The following ZFYVE28 variants were observed in gnomAD, a reference collection of about 807,000 sequenced individuals.
The protein encoded by ZFYVE28 is lateral signaling target protein 2 homolog.
ZFYVE28 carries 40 observed loss-of-function variants against 82.1 expected under a neutral mutation model. The observed-to-expected ratio is 0.49, with a 90% CI of 0.38 to 0.63. The LOEUF is 0.63. Among genes scored for constraint, ZFYVE28 ranks in the 30% least tolerant of loss-of-function variants. The probability of loss-of-function intolerance (pLI) is 0.00; values close to 1 mark genes in which losing one functional copy is unlikely to be tolerated. For synonymous variants in ZFYVE28, 612 were observed against 546.1 expected (o/e 1.12, Z -1.68); for missense variants, 1,321 against 1,242.1 (o/e 1.06, Z -0.96).
rs144291620 is a variant in ZFYVE28 at position 2,298,627 on chromosome 4, G to T, written c.2051+5662C>A. ...CTCCTACCATTCTACCTAGAGCAAC[G>T]GCCAGAGAGGATGCTGAGCACGGTG... is the stretch of plus-strand genomic sequence containing the variant. On this transcript the variant is annotated intron_variant, in intron 8 of 12. Coordinates refer to ENST00000290974, the MANE Select transcript of ZFYVE28 (RefSeq NM_020972.3). Among the ~76,000 whole-genome samples the T allele has an allele frequency of 1.4e-3, 220 of 152,314 alleles. 1 individual carries two copies. The highest frequency in any genetic ancestry group is 6.8e-3 in the Middle Eastern group (2 of 294).
At chr4:2,283,242 A>G (rs1463695596) in intron 8 of ZFYVE28, among the ~76,000 whole-genome samples, 2 of 149,936 alleles carry the variant, frequency 1.3e-5, no homozygotes, top group African/African-American at 2.5e-5. Flanking sequence ...TCATCCATCC[A>G]TCTATCCACC....
At chr4:2,308,678 AG>A (rs1560182436) in intron 7 of ZFYVE28, among the ~76,000 whole-genome samples, 126 of 41,680 alleles carry the variant, frequency 3.0e-3, no homozygotes, top group African/African-American at 8.9e-3. Context: ...AGAAAGAAAG[AG>A]AAAGAAAGAA....
At chr4:2,321,815 T>C (rs1719119191) in intron 6 of ZFYVE28, among the ~76,000 whole-genome samples, 1 of 152,054 alleles carries the variant, frequency 6.6e-6, no homozygotes, top group Non-Finnish European at 1.5e-5. Flanking sequence ...TCTGCCCCTC[T>C]GGAAACCTCG....
intron 1 of ZFYVE28, among the ~76,000 whole-genome samples, chr4:2,413,877 C>T (rs1276150097): frequency 6.6e-6 from 1 of 152,228 alleles, no homozygotes; most frequent in Non-Finnish European, 1.5e-5. Context: ...CCCCAGTGTC[C>T]ACCAAGACCC....
intron 1 of ZFYVE28, among the ~76,000 whole-genome samples, chr4:2,383,250 C>A (rs944614698): frequency 1.4e-4 from 22 of 152,022 alleles, no homozygotes; most frequent in Non-Finnish European, 2.6e-4. Flanking sequence ...GTGGGAGGGA[C>A]CTGGTGGGAG....
chr4:2,311,442 T>C (rs1717456871), intron 7 of ZFYVE28, among the ~76,000 whole-genome samples: 1 of 152,050 alleles, frequency 6.6e-6, no homozygotes. Context: ...AGAAGAATTG[T>C]TTAAACCTGG....
Position 2,305,496 on chromosome 4 carries a change from G to C in ZFYVE28, c.844C>G (p.Leu282Val). 1.2e-6 allele frequency: 2 copies of C among 1,612,996 alleles called. No individual in the cohort carries two copies. The highest frequency in any genetic ancestry group is 1.1e-5 in the South Asian group (1 of 91,090). Reference protein sequence around the residue: ...QTLTEEELHTLERNLCISQDV... With the variant: ...QTLTEEELHTVERNLCISQDV... The stretch of plus-strand genomic sequence containing the variant: ...TGGGAAATGCAGAGGTTCCGTTCCA[G>C]CGTGTGCAGCTCCTCCTCCGTCAGC... Residue 282 changes from leucine (L) to valine (V), a missense_variant, in exon 8 of 13, where the codon CTG (leucine) becomes GTG (valine). This residue lies in a region of ZFYVE28 where 343 missense variants were observed against 408.4 expected (regional missense o/e 0.84). Transcript: ENST00000290974.
At chr4:2,395,155 G>A (rs1029579063) in intron 1 of ZFYVE28, among the ~76,000 whole-genome samples, 17 of 151,936 alleles carry the variant, frequency 1.1e-4, no homozygotes, top group East Asian at 1.9e-4. Context: ...CCCCATCACT[G>A]CCACGCCAGT....
intron 1 of ZFYVE28, among the ~76,000 whole-genome samples, chr4:2,365,205 C>T (rs1407275880): frequency 2.0e-5 from 3 of 151,666 alleles, no homozygotes; most frequent in Non-Finnish European, 2.9e-5. Context: ...GTCTCCACAT[C>T]TCCCCGGGTG....
intron 8 of ZFYVE28, among the ~76,000 whole-genome samples, chr4:2,278,934 C>G (rs1711541736): frequency 6.7e-6 from 1 of 150,188 alleles, no homozygotes; most frequent in Admixed American, 6.6e-5. Flanking sequence ...AATGTTCCCC[C>G]CCCCCTCAAA....
At chr4:2,375,930 A>G (rs1207001857) in intron 1 of ZFYVE28, among the ~76,000 whole-genome samples, 3 of 151,636 alleles carry the variant, frequency 2.0e-5, no homozygotes, top group South Asian at 2.1e-4. Flanking sequence ...CTGGAGTGCA[A>G]TGGCACAATC....
chr4:2,356,276 T>G (rs1725298423), intron 1 of ZFYVE28, among the ~76,000 whole-genome samples: 1 of 152,182 alleles, frequency 6.6e-6, no homozygotes, highest in Non-Finnish European at 1.5e-5. Context: ...TCCCTGGGAC[T>G]GTTCACAGGA....
intron 1 of ZFYVE28, among the ~76,000 whole-genome samples, chr4:2,389,356 T>C (rs1371353778): frequency 6.6e-6 from 1 of 152,158 alleles, no homozygotes; most frequent in South Asian, 2.1e-4. Flanking sequence ...TGCCTGAGGC[T>C]ACCCCCATGC....
intron 1 of ZFYVE28, among the ~76,000 whole-genome samples, chr4:2,413,576 CATCCGGAACACTGGCTT>C (rs1732742670): frequency 6.6e-6 from 1 of 152,194 alleles, no homozygotes; most frequent in Non-Finnish European, 1.5e-5. Flanking sequence ...GCCTGTGCAG[CATCCGGAACACTGGCTT>C]TCCAGCAGCT....
intron 8 of ZFYVE28, among the ~76,000 whole-genome samples, chr4:2,303,397 C>G (rs1344981963): frequency 1.3e-5 from 2 of 152,324 alleles, no homozygotes; most frequent in South Asian, 4.1e-4. Flanking sequence ...TCATCCCCAT[C>G]TGCTGCCCGG....
chr4:2,376,655 G>C (rs1008210048), intron 1 of ZFYVE28, among the ~76,000 whole-genome samples: 11 of 152,244 alleles, frequency 7.2e-5, no homozygotes, highest in African/African-American at 2.6e-4. Flanking sequence ...GTCATGAGAC[G>C]AGCATGGGGG....
At chr4:2,346,668 A>C (rs758525110) in intron 2 of ZFYVE28, among the ~76,000 whole-genome samples, 4 of 152,182 alleles carry the variant, frequency 2.6e-5, no homozygotes, top group Non-Finnish European at 5.9e-5. Flanking sequence ...GAAATTGTAC[A>C]ATGTCATTTG....
chr4:2,284,883 G>A (rs1367163283), intron 8 of ZFYVE28, among the ~76,000 whole-genome samples: 2 of 152,218 alleles, frequency 1.3e-5, no homozygotes, highest in African/African-American at 4.8e-5. Flanking sequence ...CCTGAGTCTA[G>A]TACGGCAAGG....
chr4:2,272,650 A>G (rs569389692), intron 10 of ZFYVE28, among the ~76,000 whole-genome samples: 1 of 152,166 alleles, frequency 6.6e-6, no homozygotes, highest in Non-Finnish European at 1.5e-5. Context: ...GTGATACCTC[A>G]GCAGCTCATG....
Sources: allele counts gnomAD v4.1 joint callset (sites outside exome capture counted in the v4.1 genomes callset), GRCh38; gene constraint gnomAD v4.1.1; regional missense constraint gnomAD v4.1.1; transcripts MANE v1.5; gene names NCBI Gene and HGNC (gene_info 2026-07-23, HGNC 2026-07-21).